Variants in CLASRP observed in about 807,000 individuals in gnomAD.
CLASRP encodes the protein CLK4 associating serine/arginine rich protein, also known as CLK4-associating serine/arginine rich protein.
Under a neutral mutation model 99.9 loss-of-function variants are expected in CLASRP, and 52 were observed. The ratio of observed to expected loss-of-function variants is 0.52; its 90% confidence interval spans 0.42 to 0.66. CLASRP has a LOEUF of 0.66. Among genes scored for constraint, CLASRP ranks in the 30% least tolerant of loss-of-function variants. CLASRP has a pLI of 0.00. For missense variants in CLASRP, 848 were observed against 999.2 expected (o/e 0.85, Z 2.04); for synonymous variants, 379 against 373.0 (o/e 1.02, Z -0.18).
chr19:45,064,172 C>A lies in CLASRP; in HGVS notation c.1066C>A (p.Pro356Thr). ...AAASGVTTGK[P>T]PAPPQPGGPA... ...AGCATCAGGAGTCACCACAGGGAAG[C>A]CCCCCGCACCTCCCCAGCCTGGCGG... Residue 356 changes from proline (P) to threonine (T), a missense_variant, in exon 12 of 21, where the codon CCC becomes ACC. Transcript: ENST00000221455. 6.2e-7 allele frequency: 1 copy of A among 1,609,792 alleles called. No homozygotes were observed. The highest frequency in any genetic ancestry group is 8.5e-7 in the Non-Finnish European group (1 of 1,178,774).
chr19:45,061,023 CT>C (rs1568418565), intron 10 of CLASRP, among the ~76,000 whole-genome samples: 1 of 152,140 alleles, frequency 6.6e-6, no homozygotes, highest in Non-Finnish European at 1.5e-5. Context: ...CAATTTTTTC[CT>C]TTGGAAAACA....
intron 13 of CLASRP, among the ~76,000 whole-genome samples, chr19:45,066,444 T>G (rs1021828776): frequency 4.0e-5 from 6 of 151,748 alleles, no homozygotes; most frequent in African/African-American, 1.5e-4. Context: ...TGACAACAAA[T>G]TTTTATTTTA....
chr19:45,069,085 G>C lies in CLASRP; in HGVS notation c.1788G>C (p.Ala596=), dbSNP rs752039609. Reference sequence around the variant, plus strand: ...CTACAGTCAAGGCGGATAAGAAGGCGGCACAAGAAAAGATGATCCAGCAGG... The same window carrying C: ...CTACAGTCAAGGCGGATAAGAAGGCCGCACAAGAAAAGATGATCCAGCAGG... ...LNRQFKADKK[A]AQEKMIQQEH... Residue 596 remains alanine (A), a synonymous_variant, in exon 17 of 21, where the codon GCG becomes GCC. Coordinates refer to ENST00000221455, the MANE Select transcript of CLASRP (RefSeq NM_007056.3). 7 of 1,614,078 alleles carry C rather than the reference G, an allele frequency of 4.3e-6. No individual in the cohort carries two copies. The South Asian group carries it at 7.7e-5, about 18-fold the overall frequency.
In CLASRP at chr19:45,059,364, G is replaced by A. The variant is rs571165211; in HGVS notation, c.710G>A (p.Arg237Lys). The A allele has an allele frequency of 1.6e-4, 257 of 1,581,048 alleles. No individual in the cohort carries two copies. Among genetic ancestry groups the A allele is most frequent in the Non-Finnish European group, 2.1e-4 (250 of 1,162,842 alleles). The stretch of plus-strand genomic sequence containing the variant: ...GGCATGGCCGACGGTGACTTCGTCA[G>A]GTGAGGCCTGCCTGCTGACACCCCT... ...TYGMADGDFV[R>K]MLRKDKEEAE... The change falls in exon 8 of 21, where the codon AGG becomes AAG. Residue 237 changes from arginine to lysine, a missense_variant and splice_region_variant. Transcript: ENST00000221455.
At chr19:45,064,777 G>GCT in intron 13 of CLASRP, 147 bp downstream of exon 13, 1 of 1,400,190 alleles carries the variant, frequency 7.1e-7, no homozygotes, top group Non-Finnish European at 9.3e-7. Flanking sequence ...CTGCTCTTCC[G>GCT]CAGGAAGCCC....
chr19:45,065,674 C>G (rs374502317), intron 13 of CLASRP, among the ~76,000 whole-genome samples: 73 of 152,256 alleles, frequency 4.8e-4, no homozygotes, highest in Non-Finnish European at 1.0e-4. Context: ...CCCTTCCGGT[C>G]CCCTTGCCTG....
chr19:45,064,151 T>C lies in CLASRP; in HGVS notation c.1045T>C (p.Ser349Pro), dbSNP rs1370503167. Residue 349 changes from serine (S) to proline (P), a missense_variant, in exon 12 of 21, where the codon TCA becomes CCA. This residue lies in a region of CLASRP where 489 missense variants were observed against 434.7 expected (regional missense o/e 1.12). Transcript: ENST00000221455. ...CGCAGCCGCTGCTGCCGCAGCAGCATCAGGAGTCACCACAGGGAAGCCCCC... is the reference window on the plus strand; with the variant it reads ...CGCAGCCGCTGCTGCCGCAGCAGCACCAGGAGTCACCACAGGGAAGCCCCC... The part of the protein sequence containing the change: ...AAAAAAAAAA[S>P]GVTTGKPPAP... 1 of 1,611,276 alleles carries C rather than the reference T, an allele frequency of 6.2e-7. No homozygotes were observed. Among genetic ancestry groups the C allele is most frequent in the Non-Finnish European group, 8.5e-7 (1 of 1,179,356 alleles).
chr19:45,056,496 C>T lies in CLASRP; in HGVS notation c.426C>T (p.Tyr142=), dbSNP rs754752005. 1.9e-5 allele frequency: 31 copies of T among 1,613,838 alleles called. No individual in the cohort carries two copies. Among genetic ancestry groups the T allele is most frequent in the Admixed American group, 5.0e-5 (3 of 59,994 alleles). The change falls in exon 6 of 21, where the codon TAC becomes TAT. Residue 142 remains tyrosine (Y), a synonymous_variant. Coordinates refer to ENST00000221455, the MANE Select transcript of CLASRP (RefSeq NM_007056.3). The part of the protein sequence containing the change: ...CLYQIYIDEL[Y]GGLQRPSEDE... Reference sequence around the variant, plus strand: ...ACCAGATCTACATTGATGAGTTGTACGGAGGCCTCCAGAGACCCAGCGAAG... The same window carrying T: ...ACCAGATCTACATTGATGAGTTGTATGGAGGCCTCCAGAGACCCAGCGAAG...
chr19:45,069,485 C>T (rs561479164), intron 18 of CLASRP, among the ~76,000 whole-genome samples: 31 of 152,292 alleles, frequency 2.0e-4, no homozygotes, highest in Non-Finnish European at 2.8e-4. Flanking sequence ...TTCCAGCCTC[C>T]AAGTGCCAGT....
chr19:45,053,250 A>G (rs1284844914), intron 5 of CLASRP, 73 bp downstream of exon 5: 1 of 1,500,748 alleles, frequency 6.7e-7, no homozygotes, highest in Non-Finnish European at 9.3e-7. Flanking sequence ...TAGGTTTGGG[A>G]AGAAAAGTTT....
At chr19:45,068,989 CAAAAA>C (rs376538298) in intron 16 of CLASRP, 72 bp from the exon 17 acceptor site, 14 of 1,078,116 alleles carry the variant, frequency 1.3e-5, no homozygotes, top group Non-Finnish European at 1.4e-5. Context: ...GACTCTGTCT[CAAAAA>C]AAAAAAAAAA....
chr19:45,057,996 G>A lies in CLASRP; in HGVS notation c.613+98G>A, dbSNP rs1384575524. On this transcript the variant is annotated intron_variant, in intron 7 of 20. Transcript: ENST00000221455. ...GTGGGGCACCCCGTGCTTACGAACCGTGTCTCTCTCCCTACCCCGCCCCAG... is the reference window on the plus strand; with the variant it reads ...GTGGGGCACCCCGTGCTTACGAACCATGTCTCTCTCCCTACCCCGCCCCAG... The A allele has an allele frequency of 4.4e-5, 66 of 1,489,576 alleles. 1 individual carries two copies. The highest frequency in any genetic ancestry group is 8.7e-5 in the South Asian group (7 of 80,382). The allele number at this position is 1,489,576 out of a possible 1,614,324, so 92.3% of individuals were successfully genotyped here.
intron 2 of CLASRP, among the ~76,000 whole-genome samples, chr19:45,041,227 CAAAA>C (rs397945551): frequency 3.3e-5 from 2 of 59,848 alleles, no homozygotes; most frequent in Non-Finnish European, 7.1e-5. Flanking sequence ...GACTCTGTCT[CAAAA>C]AAAAAAAAAA....
chr19:45,056,593 C>G, intron 6 of CLASRP, 59 bp downstream of exon 6: 5 of 1,364,110 alleles, frequency 3.7e-6, no homozygotes, highest in Non-Finnish European at 5.2e-6. Flanking sequence ...GAGCCCCAGC[C>G]AGGCATGGCC....
intron 2 of CLASRP, among the ~76,000 whole-genome samples, chr19:45,048,071 T>A (rs1454713279): frequency 6.6e-6 from 1 of 151,686 alleles, no homozygotes; most frequent in Admixed American, 6.6e-5. Context: ...GTGAAACTCT[T>A]GTCTCAAAAC....
intron 6 of CLASRP, among the ~76,000 whole-genome samples, chr19:45,057,337 C>T (rs1972138748): frequency 6.6e-6 from 1 of 152,210 alleles, no homozygotes; most frequent in African/African-American, 2.4e-5. Context: ...AGACTTCAGC[C>T]CTCGTCCACG....
At position 45,042,607 on chromosome 19, in the gene CLASRP, G is replaced by A. The variant is rs994638124; in HGVS notation, c.99+2296G>A. 8.6e-5 allele frequency among the ~76,000 whole-genome samples: 13 copies of A among 151,394 alleles called. 1 individual carries two copies. Among genetic ancestry groups the A allele is most frequent in the Admixed American group, 8.6e-4 (13 of 15,154 alleles). The stretch of plus-strand genomic sequence containing the variant: ...ACATCCCTAATTCAAAATCCGAAAT[G>A]CTCCAAAATCTTTTTTTTTTTTTGA... On this transcript the variant is annotated intron_variant, in intron 2 of 20. Coordinates refer to ENST00000221455, the MANE Select transcript of CLASRP (RefSeq NM_007056.3).
chr19:45,069,680 G>C, intron 18 of CLASRP: 1 of 437,772 alleles, frequency 2.3e-6, no homozygotes, highest in Non-Finnish European at 4.2e-6. Context: ...CACGGAGGAG[G>C]CACCCAGTAG....
intron 2 of CLASRP, among the ~76,000 whole-genome samples, chr19:45,048,614 C>T (rs1971965193): frequency 6.6e-6 from 1 of 151,678 alleles, no homozygotes; most frequent in South Asian, 2.1e-4. Context: ...GGTTTGAATC[C>T]TAGTTCTGCT....
Sources: gnomAD v4.1 joint callset for allele counts (sites outside exome capture counted in the v4.1 genomes callset) on GRCh38, gnomAD v4.1.1 for gene constraint, gnomAD v4.1.1 regional missense constraint, MANE v1.5 for transcripts, NCBI Gene and HGNC (gene_info 2026-07-23, HGNC 2026-07-21) for gene names.